The following TMEM87B variants were observed in gnomAD, a reference collection of about 807,000 sequenced individuals.
TMEM87B encodes transmembrane protein 87B.
Under a neutral mutation model 80.3 loss-of-function variants are expected in TMEM87B, and 83 were observed. That is an observed-to-expected ratio of 1.03 (90% confidence interval 0.87 to 1.24). TMEM87B has a LOEUF of 1.24. Ranked by LOEUF, TMEM87B falls within the 50% of genes most tolerant of loss-of-function variation. The pLI, the probability that TMEM87B is intolerant of heterozygous loss-of-function variation, is 0.00. For missense variants in TMEM87B, 625 were observed against 674.4 expected (o/e 0.93, Z 0.81); for synonymous variants, 219 against 230.5 (o/e 0.95, Z 0.45).
At chr2:112,073,769 G>A (rs187087787) in intron 4 of TMEM87B, among the ~76,000 whole-genome samples, 36 of 152,256 alleles carry the variant, frequency 2.4e-4, no homozygotes, top group African/African-American at 8.7e-4. Context: ...TTATGAATCT[G>A]GGTACTCCTG....
chr2:112,113,479 G>T (rs974173615), intron 18 of TMEM87B, among the ~76,000 whole-genome samples: 9 of 152,204 alleles, frequency 5.9e-5, no homozygotes, highest in Non-Finnish European at 1.2e-4. Context: ...TTGTATGGTG[G>T]CTGTAGCACA....
At chr2:112,100,529 A>G in intron 14 of TMEM87B, 93 bp from the exon 15 acceptor site, 1 of 718,696 alleles carries the variant, frequency 1.4e-6, no homozygotes, top group Non-Finnish European at 2.3e-6. Flanking sequence ...AATTTTTTAA[A>G]TGTAGATTTT....
Position 112,116,402 on chromosome 2 carries a change from C to G in TMEM87B, c.*259C>G. ...ATGATAAAGATCTGCACAGATGCCT[C>G]TTAGCTGATAGGTGGCAGGCCTGTG... On this transcript the variant is annotated 3_prime_UTR_variant, in exon 19 of 19. Transcript: ENST00000283206. The G allele has an allele frequency of 3.3e-6, 1 of 301,246 alleles. No individual in the cohort carries two copies. The highest frequency in any genetic ancestry group is 6.1e-6 in the Non-Finnish European group (1 of 164,952). 18.7% of individuals were successfully genotyped at this position (301,246 alleles called of 1,614,324 possible).
rs1223506324 is a variant in TMEM87B, at chr2:112,074,971, T to C, written c.501+9T>C. ...ACCAGGAAAGATCAATGGTAAGCAG[T>C]TTGATTTGTCTTTAAATCAAATATA... On this transcript the variant is annotated intron_variant, in intron 5 of 18. Transcript: ENST00000283206. 6.3e-7 allele frequency: 1 copy of C among 1,578,892 alleles called. No homozygotes were observed. The highest frequency in any genetic ancestry group is 1.4e-5 in the African/African-American group (1 of 73,870).
Position 112,086,018 on chromosome 2 carries a change from G to A in TMEM87B, c.852G>A (p.Leu284=). The change falls in exon 9 of 19, where the codon TTG becomes TTA. Residue 284 remains leucine, a synonymous_variant. Transcript: ENST00000283206. ...TTTCTTCCTCAGCCCAAGGCTTATT[G>A]ATATTTGCGGAGTTGATTTCTGCGA... ...SNTGLSTQGL[L]IFAELISAIK... 6.2e-7 allele frequency: 1 copy of A among 1,614,050 alleles called. No homozygotes were observed. The highest frequency in any genetic ancestry group is 8.5e-7 in the Non-Finnish European group (1 of 1,179,974).
In TMEM87B at chr2:112,059,993, T is replaced by C; in HGVS notation, c.182T>C (p.Ile61Thr). The change falls in exon 2 of 19, where the codon ATA becomes ACA. Residue 61 changes from isoleucine to threonine, a missense_variant. Transcript: ENST00000283206. ...ETVNDKSGPL[I>T]FRKTMFNSTD... ...TCATTTTAGAAATCAGGACCTTTGA[T>C]ATTTAGGAAAACTATGTTTAACTCT... 8.8e-6 allele frequency: 14 copies of C among 1,593,948 alleles called. No homozygotes were observed. The highest frequency in any genetic ancestry group is 1.2e-5 in the Non-Finnish European group (14 of 1,167,168).
intron 4 of TMEM87B, among the ~76,000 whole-genome samples, chr2:112,073,804 G>A (rs772544745): frequency 1.1e-4 from 17 of 152,122 alleles, no homozygotes; most frequent in Non-Finnish European, 2.2e-4. Context: ...ATATTTAAGA[G>A]AGTTAAGTCT....
At chr2:112,085,968 T>C (rs1236074646) in intron 8 of TMEM87B, 37 bp from the exon 9 acceptor site, 3 of 1,578,732 alleles carry the variant, frequency 1.9e-6, no homozygotes, top group South Asian at 1.1e-5. Context: ...CTTCCAGGTG[T>C]AGACAAAGTG....
At chr2:112,072,895 C>CTTTTTTTTTTTTTTTT (rs71226782) in intron 4 of TMEM87B, among the ~76,000 whole-genome samples, 1 of 83,014 alleles carries the variant, frequency 1.2e-5, no homozygotes, top group African/African-American at 5.0e-5. Context: ...AACTCTTCTT[C>CTTTTTTTTTTTTTTTT]TTTTTTTTTT....
At chr2:112,078,204 TGC>T (rs1404816077) in intron 6 of TMEM87B, among the ~76,000 whole-genome samples, 7 of 152,290 alleles carry the variant, frequency 4.6e-5, no homozygotes, top group Middle Eastern at 6.8e-3. Flanking sequence ...AGTCTGTTTG[TGC>T]TGCTATAATA....
chr2:112,079,612 CT>C (rs1043119841), intron 6 of TMEM87B, among the ~76,000 whole-genome samples: 30 of 152,248 alleles, frequency 2.0e-4, no homozygotes, highest in African/African-American at 6.7e-4. Context: ...GATTTTAGAT[CT>C]TTTGGGTAAA....
intron 2 of TMEM87B, among the ~76,000 whole-genome samples, chr2:112,061,088 C>G (rs1051030555): frequency 6.6e-6 from 1 of 152,090 alleles, no homozygotes. Context: ...AATTGCTGGA[C>G]AACATTTTAA....
At chr2:112,088,905 C>G (rs1319868997) in intron 9 of TMEM87B, among the ~76,000 whole-genome samples, 1 of 152,016 alleles carries the variant, frequency 6.6e-6, no homozygotes, top group Non-Finnish European at 1.5e-5. Context: ...ACTACAGGCA[C>G]GAGCCACCAC....
intron 4 of TMEM87B, 23 bp downstream of exon 4, chr2:112,067,090 T>C (rs976388728): frequency 2.5e-6 from 4 of 1,604,102 alleles, no homozygotes; most frequent in Non-Finnish European, 3.4e-6. Context: ...CTTGCCATGT[T>C]AAAGTTTATT....
intron 5 of TMEM87B, among the ~76,000 whole-genome samples, chr2:112,075,429 T>C (rs912773599): frequency 9.2e-5 from 14 of 152,194 alleles, no homozygotes; most frequent in Non-Finnish European, 4.4e-5. Flanking sequence ...TATGTCTATA[T>C]GAATTTTGTA....
intron 10 of TMEM87B, among the ~76,000 whole-genome samples, chr2:112,089,991 T>G (rs982519716): frequency 6.6e-6 from 1 of 152,250 alleles, no homozygotes; most frequent in African/African-American, 2.4e-5. Context: ...TTGTTCTTCA[T>G]AGAGAACATT....
chr2:112,095,528 A>G (rs748992031), intron 11 of TMEM87B: 61 of 890,314 alleles, frequency 6.9e-5, no homozygotes, highest in Admixed American at 1.9e-4. Flanking sequence ...AATCCTAGAA[A>G]TTTGGTTTTA....
chr2:112,115,799 T>C (rs964469903), intron 18 of TMEM87B, among the ~76,000 whole-genome samples: 1 of 152,130 alleles, frequency 6.6e-6, no homozygotes, highest in East Asian at 1.9e-4. Flanking sequence ...TGGTTATTTT[T>C]TAATTTTTAA....
chr2:112,092,818 C>T (rs934659428), intron 11 of TMEM87B, among the ~76,000 whole-genome samples: 2 of 152,086 alleles, frequency 1.3e-5, no homozygotes, highest in Admixed American at 6.5e-5. Flanking sequence ...TTCATGGGGG[C>T]ACTTGTGGAA....
Sources: allele counts gnomAD v4.1 joint callset (sites outside exome capture counted in the v4.1 genomes callset), GRCh38; gene constraint gnomAD v4.1.1; transcripts MANE v1.5; gene names NCBI Gene and HGNC (gene_info 2026-07-23, HGNC 2026-07-21).